The following DDR2 variants were observed in gnomAD, a reference collection of about 807,000 sequenced individuals.
DDR2 encodes discoidin domain-containing receptor 2.
Under a neutral mutation model 94.9 loss-of-function variants are expected in DDR2, and 27 were observed. The ratio of observed to expected loss-of-function variants is 0.28; its 90% CI spans 0.21 to 0.39. The LOEUF (loss-of-function observed/expected upper bound fraction) is 0.39. Ranked by LOEUF, DDR2 falls within the 10% of genes least tolerant of loss-of-function variation. The probability of loss-of-function intolerance (pLI) is 1.00; values close to 1 mark genes in which losing one functional copy is unlikely to be tolerated. For synonymous variants in DDR2, 382 were observed against 377.2 expected (o/e 1.01, Z -0.15); for missense variants, 783 against 1,076.0 (o/e 0.73, Z 3.81).
chr1:162,698,527 G>A (rs1032090490), intron 2 of DDR2, among the ~76,000 whole-genome samples: 1 of 152,140 alleles, frequency 6.6e-6, no homozygotes, highest in Non-Finnish European at 1.5e-5. Flanking sequence ...GTGCCATGGT[G>A]AATATTTTTC....
chr1:162,653,972 C>T (rs1412717467), intron 1 of DDR2, among the ~76,000 whole-genome samples: 3 of 152,086 alleles, frequency 2.0e-5, no homozygotes, highest in Non-Finnish European at 2.9e-5. Context: ...CGCCTGAACA[C>T]TGTGGCACTG....
chr1:162,784,070 A>G lies in DDR2; in HGVS notation c.*3824A>G, dbSNP rs1648041834. 1 of 152,202 alleles carries G rather than the reference A, an allele frequency of 6.6e-6. No homozygotes were observed. Among genetic ancestry groups the G allele is most frequent in the South Asian group, 2.1e-4 (1 of 4,830 alleles). 9.4% of individuals were successfully genotyped at this position (152,202 alleles called of 1,614,324 possible). A position where few individuals can be genotyped will look rare whatever the true frequency, so the allele number is the denominator to read the frequency against. Reference sequence around the variant, plus strand: ...TCAAAACAATACGCATAAGTTAGACAAGATTAAATCTTGTCTGATATCTGC... The same window carrying G: ...TCAAAACAATACGCATAAGTTAGACGAGATTAAATCTTGTCTGATATCTGC... On this transcript the variant is annotated 3_prime_UTR_variant, in exon 18 of 18. Coordinates refer to ENST00000367921, the MANE Select transcript of DDR2 (RefSeq NM_006182.4).
At chr1:162,720,391 AT>A (rs1262166546) in intron 3 of DDR2, among the ~76,000 whole-genome samples, 2 of 151,784 alleles carry the variant, frequency 1.3e-5, no homozygotes, top group African/African-American at 4.8e-5. Flanking sequence ...TTTGTACTTT[AT>A]ATAAATGGAA....
At chr1:162,648,501 C>G (rs1474420812) in intron 1 of DDR2, among the ~76,000 whole-genome samples, 1 of 151,928 alleles carries the variant, frequency 6.6e-6, no homozygotes, top group Non-Finnish European at 1.5e-5. Context: ...ATCTGAAAGC[C>G]GGTGAAGTGT....
At chr1:162,716,170 T>C (rs2102024068) in intron 2 of DDR2, among the ~76,000 whole-genome samples, 1 of 152,176 alleles carries the variant, frequency 6.6e-6, no homozygotes, top group Non-Finnish European at 1.5e-5. Context: ...AAATGATGTG[T>C]GGGAGACATT....
chr1:162,734,680 T>C (rs768875308), intron 3 of DDR2, among the ~76,000 whole-genome samples: 5 of 152,134 alleles, frequency 3.3e-5, no homozygotes, highest in Non-Finnish European at 5.9e-5. Context: ...GGGAGCATCA[T>C]GCACAGAGAC....
rs1366190575 is a variant in DDR2, at chr1:162,782,047, C to T, written c.*1801C>T. The T allele has an allele frequency of 4.6e-5, 7 of 152,226 alleles. No homozygotes were observed. The highest frequency in any genetic ancestry group is 4.6e-4 in the Admixed American group (7 of 15,276). The allele number at this position is 152,226 out of a possible 1,614,324, so 9.4% of individuals were successfully genotyped here. A position where few individuals can be genotyped will look rare whatever the true frequency, so the allele number is the denominator to read the frequency against. On this transcript the variant is annotated 3_prime_UTR_variant, in exon 18 of 18. Transcript: ENST00000367921. Reference sequence around the variant, plus strand: ...TCATCTTCTGATCCTAGCAAATGTCCTTTCCCCATAGTTGTCCTATGCCTT... The same window carrying T: ...TCATCTTCTGATCCTAGCAAATGTCTTTTCCCCATAGTTGTCCTATGCCTT...
chr1:162,737,353 C>T (rs1193034690), intron 3 of DDR2, among the ~76,000 whole-genome samples: 1 of 127,838 alleles, frequency 7.8e-6, no homozygotes, highest in Non-Finnish European at 1.7e-5. Context: ...ATTCCCCTTC[C>T]TGTGTCCATG....
intron 2 of DDR2, among the ~76,000 whole-genome samples, chr1:162,716,939 C>T (rs548621692): frequency 7.2e-5 from 11 of 152,104 alleles, no homozygotes; most frequent in Non-Finnish European, 1.6e-4. Context: ...TTTCTTCTCT[C>T]TTTATAATAT....
At chr1:162,741,194 T>TAATAC (rs201436659) in intron 3 of DDR2, among the ~76,000 whole-genome samples, 19,403 of 76,278 alleles carry the variant, frequency 0.25, 2,136 homozygotes, top group South Asian at 0.28. Flanking sequence ...TAACATAACA[T>TAATAC]AATACAATAC....
chr1:162,631,517 C>T (rs1656558973), upstream of DDR2: 1 of 152,188 alleles, frequency 6.6e-6, no homozygotes, highest in Admixed American at 6.5e-5. Flanking sequence ...CCCTGGGTCC[C>T]TGCTTGCCCT....
chr1:162,783,862 G>A lies in DDR2; in HGVS notation c.*3616G>A, dbSNP rs1392512360. The A allele has an allele frequency of 1.3e-5, 2 of 152,172 alleles. No homozygotes were observed. The highest frequency in any genetic ancestry group is 2.1e-4 in the South Asian group (1 of 4,826). 9.4% of individuals were successfully genotyped at this position (152,172 alleles called of 1,614,324 possible). On this transcript the variant is annotated 3_prime_UTR_variant, in exon 18 of 18. Transcript: ENST00000367921. ...GGACCATTTCAAGTGCTGGTGAGAA[G>A]AAAGGAACTCTTTGCCTGAACTGGG...
chr1:162,700,354 C>A (rs1284014879), intron 2 of DDR2, among the ~76,000 whole-genome samples: 10 of 152,194 alleles, frequency 6.6e-5, no homozygotes, highest in Non-Finnish European at 1.5e-4. Flanking sequence ...ATTGTGGACC[C>A]CATGACTATG....
Position 162,767,372 on chromosome 1 carries a change from A to C in DDR2, c.1293+13A>C. The stretch of plus-strand genomic sequence containing the variant: ...AATGCTGGAGAAGGTGAGGAGGTGC[A>C]GAATGGTCATGATATAAGAAACTGC... On this transcript the variant is annotated intron_variant, in intron 11 of 17. Coordinates refer to ENST00000367921, the MANE Select transcript of DDR2 (RefSeq NM_006182.4). 1.2e-6 allele frequency: 2 copies of C among 1,613,620 alleles called. No homozygotes were observed. Among genetic ancestry groups the C allele is most frequent in the Non-Finnish European group, 1.7e-6 (2 of 1,179,916 alleles).
At chr1:162,633,251 T>C (rs1457510386) in intron 1 of DDR2, among the ~76,000 whole-genome samples, 2 of 152,160 alleles carry the variant, frequency 1.3e-5, no homozygotes. Flanking sequence ...TGGGTGCCTT[T>C]CCCTTTGTTA....
chr1:162,719,029 G>C lies in DDR2; in HGVS notation c.-27-8G>C, dbSNP rs778000242. On this transcript the variant is annotated splice_polypyrimidine_tract_variant and splice_region_variant and intron_variant, in intron 2 of 17. Coordinates refer to ENST00000367921, the MANE Select transcript of DDR2 (RefSeq NM_006182.4). ...TTTCTGTTTTCTTGCATTATTGGTT[G>C]GTGGCAGACTCCAGTTCCAACACCA... 6.2e-6 allele frequency: 10 copies of C among 1,613,124 alleles called. No individual in the cohort carries two copies. In the East Asian group the frequency reaches 2.2e-4, roughly 36 times the overall value.
intron 3 of DDR2, among the ~76,000 whole-genome samples, chr1:162,727,219 T>C (rs946206704): frequency 1.4e-5 from 2 of 138,694 alleles, no homozygotes; most frequent in African/African-American, 5.1e-5. Flanking sequence ...AATATAAACA[T>C]ATATTTATAT....
intron 2 of DDR2, among the ~76,000 whole-genome samples, chr1:162,698,222 A>G (rs1340897112): frequency 5.3e-5 from 8 of 152,180 alleles, no homozygotes; most frequent in South Asian, 4.1e-4. Context: ...ACAAATGGCA[A>G]TGCTCTGTGG....
chr1:162,645,154 C>CG (rs1319832071), intron 1 of DDR2, among the ~76,000 whole-genome samples: 1 of 152,190 alleles, frequency 6.6e-6, no homozygotes, highest in Non-Finnish European at 1.5e-5. Flanking sequence ...GGTGAACAGG[C>CG]GGGGACTCCC....
Sources: allele counts gnomAD v4.1 joint callset (sites outside exome capture counted in the v4.1 genomes callset), GRCh38; gene constraint gnomAD v4.1.1; transcripts MANE v1.5; gene names NCBI Gene and HGNC (gene_info 2026-07-23, HGNC 2026-07-21).